TTLL11: variants seen among roughly 807,000 people sequenced by gnomAD.
TTLL11 encodes the protein tubulin tyrosine ligase like 11.
A neutral mutation model predicts 51.7 loss-of-function variants in TTLL11; 42 were observed. That is an observed-to-expected ratio of 0.81 (90% CI 0.64 to 1.05). TTLL11 has a LOEUF of 1.05. Among genes scored for constraint, TTLL11 ranks in the 50% least tolerant of loss-of-function variants. The pLI is 0.00. For missense variants in TTLL11, 799 were observed against 940.4 expected (o/e 0.85, Z 1.97); for synonymous variants, 381 against 383.5 (o/e 0.99, Z 0.08).
intron 1 of TTLL11, among the ~76,000 whole-genome samples, chr9:122,041,021 A>C (rs1844832246): frequency 6.6e-6 from 1 of 152,216 alleles, no homozygotes; most frequent in Non-Finnish European, 1.5e-5. Flanking sequence ...GCCCACAATG[A>C]GGAACCAACA....
intron 3 of TTLL11, among the ~76,000 whole-genome samples, chr9:122,016,367 G>T (rs1843980925): frequency 6.6e-6 from 1 of 152,200 alleles, no homozygotes; most frequent in South Asian, 2.1e-4. Flanking sequence ...GTGTGCAGGA[G>T]TTTAAACTGC....
Position 121,875,597 on chromosome 9 carries a change from A to C in TTLL11, c.1482-4849T>G, listed in dbSNP as rs140589673. On this transcript the variant is annotated intron_variant, in intron 6 of 8. Transcript: ENST00000321582. ...AGCTGGAAGAAGGCACTAACGATACATCTGATATGTAAGAGGAAATGAAAC... is the reference window on the plus strand; with the variant it reads ...AGCTGGAAGAAGGCACTAACGATACCTCTGATATGTAAGAGGAAATGAAAC... 1.8e-4 allele frequency among the ~76,000 whole-genome samples: 28 copies of C among 152,338 alleles called. 1 individual carries two copies. Among genetic ancestry groups the C allele is most frequent in the African/African-American group, 6.3e-4 (26 of 41,586 alleles).
chr9:122,085,246 C>A (rs1033581355), intron 1 of TTLL11, among the ~76,000 whole-genome samples: 1 of 151,994 alleles, frequency 6.6e-6, no homozygotes, highest in Non-Finnish European at 1.5e-5. Context: ...GGCAACAGAG[C>A]GAGACTCCAT....
intron 8 of TTLL11, among the ~76,000 whole-genome samples, chr9:121,840,890 C>T (rs1054857857): frequency 2.6e-5 from 4 of 152,198 alleles, no homozygotes; most frequent in African/African-American, 9.7e-5. Context: ...AGGCCCTGGG[C>T]CCCAAACATG....
intron 1 of TTLL11, among the ~76,000 whole-genome samples, chr9:122,084,249 G>A (rs1846067312): frequency 6.6e-6 from 1 of 152,308 alleles, no homozygotes; most frequent in African/African-American, 2.4e-5. Context: ...CATTAAGGGT[G>A]CGAAGGTTTT....
chr9:121,886,510 A>G (rs972356322), intron 6 of TTLL11, among the ~76,000 whole-genome samples: 5 of 152,292 alleles, frequency 3.3e-5, no homozygotes, highest in Admixed American at 3.3e-4. Context: ...GAGCTACCAA[A>G]TGCTGGAAAA....
At chr9:121,826,525 ATATGTGTG>A (rs1836793594) in intron 8 of TTLL11, among the ~76,000 whole-genome samples, 1 of 48,814 alleles carries the variant, frequency 2.0e-5, no homozygotes, top group Admixed American at 1.7e-4. Context: ...GTATATATAT[ATATGTGTG>A]TGTGTATATA....
chr9:122,077,562 G>A (rs1448466313), intron 1 of TTLL11, among the ~76,000 whole-genome samples: 1 of 151,874 alleles, frequency 6.6e-6, no homozygotes, highest in African/African-American at 2.4e-5. Context: ...CACAATCACA[G>A]AAGAAATTTT....
chr9:121,924,012 C>T (rs1457555636), intron 6 of TTLL11, among the ~76,000 whole-genome samples: 1 of 152,188 alleles, frequency 6.6e-6, no homozygotes, highest in African/African-American at 2.4e-5. Flanking sequence ...CTCTCATTCT[C>T]TCTTGCCTGC....
chr9:121,870,433 C>G (rs1025572547), intron 7 of TTLL11, 64 bp downstream of exon 7: 5 of 1,504,862 alleles, frequency 3.3e-6, no homozygotes, highest in Non-Finnish European at 3.6e-6. Flanking sequence ...GACCCGCCAG[C>G]CAGATGTGAG....
At position 122,046,370 on chromosome 9, in the gene TTLL11, C is replaced by T. The variant is rs887899865; in HGVS notation, c.463-7002G>A. Among the ~76,000 whole-genome samples the T allele has an allele frequency of 2.0e-5, 3 of 152,250 alleles. No individual in the cohort carries two copies. The East Asian group carries it at 5.8e-4, about 29-fold the overall frequency. On this transcript the variant is annotated intron_variant, in intron 1 of 8. Transcript: ENST00000321582. ...CATGATTGTAAGTTTCCTGAGGCCTCCAGAGCCATTCTTCCTGTACAGCCT... is the reference window on the plus strand; with the variant it reads ...CATGATTGTAAGTTTCCTGAGGCCTTCAGAGCCATTCTTCCTGTACAGCCT...
intron 6 of TTLL11, among the ~76,000 whole-genome samples, chr9:121,956,687 G>T (rs74817118): frequency 6.6e-6 from 1 of 152,214 alleles, no homozygotes. Context: ...AAGGCCGGGG[G>T]TGGCAGGCAA....
chr9:121,922,914 G>A (rs1049065660), intron 6 of TTLL11, among the ~76,000 whole-genome samples: 2 of 152,124 alleles, frequency 1.3e-5, no homozygotes, highest in Non-Finnish European at 2.9e-5. Context: ...ATGGAAACAC[G>A]GCCACCCTCA....
chr9:122,009,190 A>C (rs1011488895), intron 3 of TTLL11, among the ~76,000 whole-genome samples: 2 of 152,170 alleles, frequency 1.3e-5, no homozygotes, highest in African/African-American at 4.8e-5. Context: ...AAGTGTTCTC[A>C]CCACAAACAA....
At position 121,989,782 on chromosome 9, in the gene TTLL11, A is replaced by G. The variant is rs201153712; in HGVS notation, c.694-12T>C. The G allele has an allele frequency of 3.0e-5, 47 of 1,578,398 alleles. No individual in the cohort carries two copies. The highest frequency in any genetic ancestry group is 1.6e-4 in the Admixed American group (9 of 55,896). ...TTCACCATTTGAACCTGGAGGGGGA[A>G]AAAAGGATGGCCGACATTATATTGT... On this transcript the variant is annotated splice_polypyrimidine_tract_variant and intron_variant, in intron 3 of 8. Transcript: ENST00000321582. This position sits in a 1 kb window ranked among gnomAD's most constrained non-coding sequence, Gnocchi z 4.2.
intron 1 of TTLL11, among the ~76,000 whole-genome samples, chr9:122,089,779 G>T (rs752184188): frequency 6.6e-6 from 1 of 152,008 alleles, no homozygotes; most frequent in Non-Finnish European, 1.5e-5. Context: ...CAAGTGAATT[G>T]TTTTTTTAAT....
chr9:121,868,545 C>G (rs1190917040), intron 7 of TTLL11, among the ~76,000 whole-genome samples: 4 of 152,058 alleles, frequency 2.6e-5, no homozygotes, highest in Non-Finnish European at 1.5e-5. Context: ...ACCATGATGG[C>G]TGGATTTTGA....
intron 6 of TTLL11, among the ~76,000 whole-genome samples, chr9:121,951,711 T>A (rs979709889): frequency 3.9e-5 from 6 of 152,156 alleles, no homozygotes; most frequent in Non-Finnish European, 8.8e-5. Flanking sequence ...TTCTTGGACC[T>A]CCCGCAGGAA....
intron 3 of TTLL11, among the ~76,000 whole-genome samples, chr9:122,013,865 G>C (rs1843887738): frequency 1.3e-5 from 2 of 152,186 alleles, no homozygotes; most frequent in African/African-American, 4.8e-5. Context: ...GCAGAAACTT[G>C]TGCAGAATTT....
Sources: allele counts gnomAD v4.1 joint callset (sites outside exome capture counted in the v4.1 genomes callset), GRCh38; gene constraint gnomAD v4.1.1; non-coding constraint Gnocchi (gnomAD v3.1); transcripts MANE v1.5; gene names NCBI Gene and HGNC (gene_info 2026-07-23, HGNC 2026-07-21).